Variants in LRRC39 observed in about 807,000 individuals in gnomAD.
LRRC39 encodes leucine-rich repeat-containing protein 39.
Under a neutral mutation model 39.7 loss-of-function variants are expected in LRRC39, and 35 were observed. That is an observed-to-expected ratio of 0.88 (90% confidence interval 0.67 to 1.17). The LOEUF is 1.17. Among genes scored for constraint, LRRC39 ranks in the 50% most tolerant of loss-of-function variants. The probability of loss-of-function intolerance (pLI) is 0.00; values close to 1 mark genes in which losing one functional copy is unlikely to be tolerated. For synonymous variants in LRRC39, 113 were observed against 134.1 expected, an observed-to-expected ratio of 0.84 and a Z score of 1.09; for missense variants, 357 against 385.8, an observed-to-expected ratio of 0.93 and a Z score of 0.62.
At chr1:100,158,775 C>T (rs1051988014) in intron 5 of LRRC39, among the ~76,000 whole-genome samples, 2 of 151,944 alleles carry the variant, frequency 1.3e-5, no homozygotes, top group Non-Finnish European at 2.9e-5. Context: ...TTGGCAAATT[C>T]GGAGTTCTTA....
At chr1:100,176,650 T>C (rs1659983134) in intron 1 of LRRC39, among the ~76,000 whole-genome samples, 1 of 152,206 alleles carries the variant, frequency 6.6e-6, no homozygotes, top group Admixed American at 6.5e-5. Context: ...GGCATGATTT[T>C]TTAGCATTTA....
intron 6 of LRRC39, 52 bp downstream of exon 6, chr1:100,158,179 G>A: frequency 6.3e-7 from 1 of 1,577,330 alleles, no homozygotes; most frequent in Non-Finnish European, 8.7e-7. Context: ...ACATTGAGTG[G>A]TCAACTACTG....
intron 8 of LRRC39, among the ~76,000 whole-genome samples, chr1:100,153,497 A>G (rs1295399127): frequency 1.3e-5 from 2 of 152,176 alleles, no homozygotes; most frequent in Non-Finnish European, 2.9e-5. Flanking sequence ...GTAATAATCA[A>G]CAGTTAATAG....
At chr1:100,170,689 T>C (rs1467485859) in intron 2 of LRRC39, among the ~76,000 whole-genome samples, 1 of 152,190 alleles carries the variant, frequency 6.6e-6, no homozygotes, top group East Asian at 1.9e-4. Flanking sequence ...TCCTTCCTCC[T>C]TCCCTCCCTC....
intron 9 of LRRC39, chr1:100,149,539 A>T: frequency 2.6e-6 from 3 of 1,166,492 alleles, no homozygotes; most frequent in Non-Finnish European, 3.5e-6. Flanking sequence ...ACAAATTTGA[A>T]ATAATTTCTG....
rs138860518 is a variant in LRRC39, at chr1:100,164,672, G to A, written c.113+3732C>T. Among the ~76,000 whole-genome samples, 691 of 151,824 alleles carry A rather than the reference G, an allele frequency of 4.6e-3. 2 individuals carry two copies. Among genetic ancestry groups the A allele is most frequent in the African/African-American group, 0.015 (631 of 41,430 alleles). ...GTCTCTCAGATTCTTACCATTTTGC[G>A]TCAGTTATGATTGTTTATTTATTAA... is the stretch of plus-strand genomic sequence containing the variant. On this transcript the variant is annotated intron_variant, in intron 3 of 9. Coordinates refer to ENST00000370137, the MANE Select transcript of LRRC39 (RefSeq NM_144620.4).
intron 6 of LRRC39, 61 bp downstream of exon 6, chr1:100,158,170 C>T: frequency 6.5e-7 from 1 of 1,536,194 alleles, no homozygotes; most frequent in Non-Finnish European, 8.9e-7. Flanking sequence ...AACAACCACA[C>T]ATTGAGTGGT....
chr1:100,148,884 A>G lies in LRRC39; in HGVS notation c.*158T>C. 1 of 1,138,672 alleles carries G rather than the reference A, an allele frequency of 8.8e-7. No individual in the cohort carries two copies. Among genetic ancestry groups the G allele is most frequent in the Non-Finnish European group, 1.1e-6 (1 of 870,650 alleles). 70.5% of individuals were successfully genotyped at this position (1,138,672 alleles called of 1,614,324 possible). On this transcript the variant is annotated 3_prime_UTR_variant, in exon 10 of 10. Coordinates refer to ENST00000370137, the MANE Select transcript of LRRC39 (RefSeq NM_144620.4). Reference sequence around the variant, plus strand: ...AAAAATTTTTTAATTATATTTTTATATCAAAAAAATATATACTTTAAATAG... The same window carrying G: ...AAAAATTTTTTAATTATATTTTTATGTCAAAAAAATATATACTTTAAATAG...
chr1:100,179,499 CAAAAAAAA>C (rs60588308), upstream of LRRC39, among the ~76,000 whole-genome samples: 19 of 45,618 alleles, frequency 4.2e-4, no homozygotes, highest in African/African-American at 5.7e-4. Flanking sequence ...CTGTATCTAC[CAAAAAAAA>C]AAAAAAAAAA....
intron 5 of LRRC39, 140 bp downstream of exon 5, chr1:100,159,119 A>C: frequency 1.7e-6 from 1 of 604,786 alleles, no homozygotes; most frequent in Non-Finnish European, 2.5e-6. Context: ...TAGAAGCTTC[A>C]ATTTAGATTA....
In LRRC39 at chr1:100,168,560, A is replaced by C. The variant is rs1010855731; in HGVS notation, c.-44T>G. The C allele has an allele frequency of 7.0e-7, 1 of 1,421,262 alleles. No homozygotes were observed. The allele number at this position is 1,421,262 out of a possible 1,614,324, so 88.0% of individuals were successfully genotyped here. On this transcript the variant is annotated 5_prime_UTR_variant, in exon 3 of 10. In the 5' UTR this introduces an upstream ATG that the reference lacks. Transcript: ENST00000370137. Reference sequence around the variant, plus strand: ...TAGTCACCAACTTCATTAGGTTTTGAATAGCTGAATCATAGATACCATTTC... The same window carrying C: ...TAGTCACCAACTTCATTAGGTTTTGCATAGCTGAATCATAGATACCATTTC...
At chr1:100,160,620 C>T (rs1384860073) in intron 3 of LRRC39, 49 bp from the exon 4 acceptor site, 4 of 1,416,988 alleles carry the variant, frequency 2.8e-6, no homozygotes, top group South Asian at 1.3e-5. Context: ...ACATAAGTGG[C>T]ATTCACTTTT....
intron 7 of LRRC39, 61 bp downstream of exon 7, chr1:100,156,107 CTTGG>C: frequency 6.7e-7 from 1 of 1,489,770 alleles, no homozygotes; most frequent in Non-Finnish European, 9.2e-7. Flanking sequence ...ATTTGTCTTG[CTTGG>C]TTATTTTTCA....
chr1:100,156,096 C>A, intron 7 of LRRC39, 76 bp downstream of exon 7: 2 of 1,386,338 alleles, frequency 1.4e-6, no homozygotes, highest in East Asian at 2.4e-5. Flanking sequence ...CTTGAGATCC[C>A]ATTTGTCTTG....
At chr1:100,173,899 A>G (rs1384971659) in intron 1 of LRRC39, among the ~76,000 whole-genome samples, 1 of 152,238 alleles carries the variant, frequency 6.6e-6, no homozygotes, top group Non-Finnish European at 1.5e-5. Flanking sequence ...TAAAACTTCT[A>G]TACAGAAAAC....
chr1:100,158,526 C>T (rs1201568422), intron 5 of LRRC39, among the ~76,000 whole-genome samples, 159 bp from the exon 6 acceptor site: 2 of 152,174 alleles, frequency 1.3e-5, no homozygotes, highest in Non-Finnish European at 1.5e-5. Context: ...CAAGCTCCGC[C>T]TCCCGGGTTC....
At chr1:100,172,772 A>G (rs1659712659) in intron 2 of LRRC39, among the ~76,000 whole-genome samples, 1 of 152,098 alleles carries the variant, frequency 6.6e-6, no homozygotes. Flanking sequence ...CATCCTGGCT[A>G]ACATGGTGAA....
intron 1 of LRRC39, among the ~76,000 whole-genome samples, chr1:100,176,177 A>G (rs1382314377): frequency 1.3e-5 from 2 of 152,354 alleles, no homozygotes; most frequent in Admixed American, 1.3e-4. Context: ...TCACGCCTGT[A>G]ATCCCAGCAG....
intron 9 of LRRC39, chr1:100,150,647 G>A (rs962513787): frequency 1.3e-5 from 2 of 152,184 alleles, no homozygotes; most frequent in East Asian, 1.9e-4. Context: ...CAACATGCCA[G>A]CCTTAGGTCA....
Sources: allele counts gnomAD v4.1 joint callset (sites outside exome capture counted in the v4.1 genomes callset), GRCh38; gene constraint gnomAD v4.1.1; transcripts MANE v1.5; gene names NCBI Gene and HGNC (gene_info 2026-07-23, HGNC 2026-07-21).